The following TNIK variants were observed in gnomAD, a reference collection of about 807,000 sequenced individuals.
TNIK encodes TRAF2 and NCK interacting kinase, also known as TRAF2 and NCK-interacting protein kinase.
TNIK carries 49 observed loss-of-function variants against 191.3 expected under a neutral mutation model. The ratio of observed to expected loss-of-function variants is 0.26; its 90% CI spans 0.20 to 0.32. TNIK has a LOEUF of 0.32. Ranked by LOEUF, TNIK falls within the 10% of genes least tolerant of loss-of-function variation. The pLI is 1.00. For synonymous variants in TNIK, 594 were observed against 600.9 expected (o/e 0.99, Z 0.17); for missense variants, 1,155 against 1,702.3 (o/e 0.68, Z 5.66).
chr3:171,437,214 G>C (rs1298565379), intron 1 of TNIK, among the ~76,000 whole-genome samples: 1 of 152,136 alleles, frequency 6.6e-6, no homozygotes, highest in African/African-American at 2.4e-5. Flanking sequence ...CATTTGTAAA[G>C]GAAAAAAGCA....
chr3:171,395,762 G>T (rs188039937), intron 1 of TNIK, among the ~76,000 whole-genome samples: 18 of 152,208 alleles, frequency 1.2e-4, no homozygotes, highest in Non-Finnish European at 2.6e-4. Flanking sequence ...AAATTGAACG[G>T]AGTGAACATC....
At chr3:171,123,759 G>T (rs1438529858) in intron 17 of TNIK, 57 bp from the exon 18 acceptor site, 23 of 1,346,590 alleles carry the variant, frequency 1.7e-5, no homozygotes, top group Non-Finnish European at 2.2e-5. Context: ...ATAGCCTGTT[G>T]TCAGAAAATC....
intron 2 of TNIK, among the ~76,000 whole-genome samples, chr3:171,363,574 T>A (rs564026985): frequency 6.6e-6 from 1 of 152,312 alleles, no homozygotes; most frequent in East Asian, 1.9e-4. Context: ...TGCCAAACAA[T>A]AAGTGAATAG....
chr3:171,280,578 T>C (rs562943198), intron 2 of TNIK, among the ~76,000 whole-genome samples: 2 of 152,212 alleles, frequency 1.3e-5, no homozygotes, highest in South Asian at 4.1e-4. Flanking sequence ...CAAATCTTGG[T>C]TCCTTTTGTT....
intron 1 of TNIK, among the ~76,000 whole-genome samples, chr3:171,451,623 C>A (rs537501355): frequency 6.6e-6 from 1 of 152,314 alleles, no homozygotes; most frequent in East Asian, 1.9e-4. Flanking sequence ...TGTGAAATTT[C>A]TGACACGGAG....
At chr3:171,375,897 C>A (rs929690130) in intron 1 of TNIK, among the ~76,000 whole-genome samples, 2 of 152,120 alleles carry the variant, frequency 1.3e-5, no homozygotes, top group African/African-American at 4.8e-5. Flanking sequence ...AAAGACACAG[C>A]CGTTCTGTGA....
At chr3:171,068,398 A>G (rs961133970) in intron 30 of TNIK, among the ~76,000 whole-genome samples, 4 of 152,328 alleles carry the variant, frequency 2.6e-5, no homozygotes, top group Admixed American at 2.6e-4. Flanking sequence ...GTCTGACTCC[A>G]GTGTACCACA....
At chr3:171,139,636 G>A (rs1406444719) in intron 13 of TNIK, 80 bp from the exon 14 acceptor site, 2 of 1,385,944 alleles carry the variant, frequency 1.4e-6, no homozygotes, top group Admixed American at 3.4e-5. Flanking sequence ...GGCGACAAGA[G>A]CCGCTAAGTA....
intron 3 of TNIK, among the ~76,000 whole-genome samples, chr3:171,222,062 CT>C (rs1231110405): frequency 6.6e-6 from 1 of 152,136 alleles, no homozygotes; most frequent in East Asian, 1.9e-4. Context: ...CCAAAACAAG[CT>C]TGCAACATTA....
chr3:171,255,739 T>G (rs546415908), intron 2 of TNIK, among the ~76,000 whole-genome samples: 38 of 152,182 alleles, frequency 2.5e-4, no homozygotes, highest in Non-Finnish European at 5.2e-4. Context: ...GGTGTCATGG[T>G]TCATATCCTG....
At chr3:171,070,230 A>C (rs1329059003) in intron 29 of TNIK, among the ~76,000 whole-genome samples, 1 of 152,178 alleles carries the variant, frequency 6.6e-6, no homozygotes, top group Non-Finnish European at 1.5e-5. Context: ...CCATTAATGA[A>C]TCTATTTTCT....
intron 2 of TNIK, among the ~76,000 whole-genome samples, chr3:171,333,199 T>C (rs2108372457): frequency 6.6e-6 from 1 of 152,020 alleles, no homozygotes; most frequent in Middle Eastern, 3.4e-3. Flanking sequence ...TAATTTTAAA[T>C]ATGAATATTT....
intron 1 of TNIK, among the ~76,000 whole-genome samples, chr3:171,408,912 C>A (rs79582397): frequency 0.058 from 8,782 of 152,148 alleles, 317 homozygotes; most frequent in Non-Finnish European, 0.08. Flanking sequence ...ACACCTCACT[C>A]GCAACTGCAC....
In TNIK at chr3:171,460,252, C is replaced by A. The variant is rs1578015461; in HGVS notation, c.-189G>T. On this transcript the variant is annotated 5_prime_UTR_variant, in exon 1 of 33. Transcript: ENST00000436636. This position sits in a 1 kb window ranked among gnomAD's most constrained non-coding sequence, Gnocchi z 6.8. ...CCTCCGCGCGTCGGTCCGCCGGGTC[C>A]GGGAGCCCAGCCTGCGCGGATCTCC... 7.1e-6 allele frequency: 5 copies of A among 702,564 alleles called. No homozygotes were observed. In the East Asian group the frequency reaches 1.4e-4, roughly 19 times the overall value. The allele number at this position is 702,564 out of a possible 1,614,324, so 43.5% of individuals were successfully genotyped here. A position where few individuals can be genotyped will look rare whatever the true frequency, so the allele number is the denominator to read the frequency against.
At chr3:171,428,679 A>G (rs1366334837) in intron 1 of TNIK, among the ~76,000 whole-genome samples, 2 of 143,040 alleles carry the variant, frequency 1.4e-5, no homozygotes, top group Non-Finnish European at 3.0e-5. Context: ...GGCAACCAGC[A>G]TACTCTAGTC....
At position 171,227,475 on chromosome 3, in the gene TNIK, C is replaced by G. The variant is rs751601717; in HGVS notation, c.180+690G>C. Among the ~76,000 whole-genome samples the G allele has an allele frequency of 3.3e-4, 50 of 152,136 alleles. 1 individual carries two copies. Among genetic ancestry groups the G allele is most frequent in the Admixed American group, 1.2e-3 (19 of 15,264 alleles). ...TTAAGACTCATTTCTTCTGTATAAT[C>G]TCAGTATTATTCATTTAATACCTTC... is the stretch of plus-strand genomic sequence containing the variant. On this transcript the variant is annotated intron_variant, in intron 3 of 32. Coordinates refer to ENST00000436636, the MANE Select transcript of TNIK (RefSeq NM_015028.4).
chr3:171,142,792 A>G (rs1443168660), intron 12 of TNIK, among the ~76,000 whole-genome samples: 1 of 152,232 alleles, frequency 6.6e-6, no homozygotes, highest in Non-Finnish European at 1.5e-5. Context: ...AGAGAATAAA[A>G]TAATTATGTG....
chr3:171,204,713 T>C (rs1739850645), intron 4 of TNIK, among the ~76,000 whole-genome samples: 1 of 152,236 alleles, frequency 6.6e-6, no homozygotes, highest in Non-Finnish European at 1.5e-5. Flanking sequence ...GAATATTGGG[T>C]AAATAGAGGA....
intron 3 of TNIK, among the ~76,000 whole-genome samples, chr3:171,226,063 A>C (rs1414282073): frequency 6.6e-6 from 1 of 152,180 alleles, no homozygotes; most frequent in African/African-American, 2.4e-5. Context: ...TTCTATGTAG[A>C]GACTGATAGT....
Sources: gnomAD v4.1 joint callset for allele counts (sites outside exome capture counted in the v4.1 genomes callset) on GRCh38, gnomAD v4.1.1 for gene constraint, Gnocchi (gnomAD v3.1) non-coding constraint, MANE v1.5 for transcripts, NCBI Gene and HGNC (gene_info 2026-07-23, HGNC 2026-07-21) for gene names.